GANC: variants seen among roughly 807,000 people sequenced by gnomAD.
GANC encodes the protein glucosidase alpha, neutral C.
A neutral mutation model predicts 124.2 loss-of-function variants in GANC; 117 were observed. That is an observed-to-expected ratio of 0.94 (90% CI 0.81 to 1.10). The LOEUF is 1.10. GANC is among the 50% of genes least tolerant of loss of function. The pLI, the probability that GANC is intolerant of heterozygous loss-of-function variation, is 0.00. For missense variants in GANC, 1,140 were observed against 1,095.0 expected (o/e 1.04, Z -0.58); for synonymous variants, 377 against 376.8 (o/e 1.00, Z -0.01).
In GANC at chr15:42,297,653, T is replaced by G. The variant is rs1164660189; in HGVS notation, c.555T>G (p.Ser185=). 6.2e-7 allele frequency: 1 copy of G among 1,604,210 alleles called. No homozygotes were observed. Among genetic ancestry groups the G allele is most frequent in the Non-Finnish European group, 8.5e-7 (1 of 1,172,208 alleles). The change falls in exon 6 of 24, where the codon TCT becomes TCG. Residue 185 remains serine (S), a synonymous_variant. Coordinates refer to ENST00000318010, the MANE Select transcript of GANC (RefSeq NM_198141.3). The part of the protein sequence containing the change: ...ENEEETSVDT[S]QENQEDLGLW... ...AGGAGGAGACATCAGTGGACACCTCTCAGGTAATCTAGATTGATCCATTTA... is the reference window on the plus strand; with the variant it reads ...AGGAGGAGACATCAGTGGACACCTCGCAGGTAATCTAGATTGATCCATTTA...
intron 5 of GANC, among the ~76,000 whole-genome samples, chr15:42,296,642 A>G (rs993394248): frequency 1.3e-5 from 2 of 152,016 alleles, no homozygotes; most frequent in Non-Finnish European, 1.5e-5. Flanking sequence ...ATCTACCCGC[A>G]TTGGCCTCCC....
In GANC at chr15:42,278,602, G is replaced by GTA. The variant is rs1222457946; in HGVS notation, c.201+14_201+15dup. ...ATGAAGCAAGTAAGGTGAGATGGAA[G>GTA]TATTTTCTACAGAGAATAATTTGTT... On this transcript the variant is annotated intron_variant, in intron 3 of 23. Coordinates refer to ENST00000318010, the MANE Select transcript of GANC (RefSeq NM_198141.3). 1 of 1,557,996 alleles carries GTA rather than the reference G, an allele frequency of 6.4e-7. No individual in the cohort carries two copies. The highest frequency in any genetic ancestry group is 1.1e-5 in the South Asian group (1 of 89,130).
In GANC at chr15:42,278,722, A is replaced by G. The variant is rs151283225; in HGVS notation, c.201+132A>G. The stretch of plus-strand genomic sequence containing the variant: ...AAGGAATATCAGCCTTTTAGTGATT[A>G]GTGGCTCACGCCTGTAATCCCAGCA... On this transcript the variant is annotated intron_variant, in intron 3 of 23. Transcript: ENST00000318010. 5 of 617,202 alleles carry G rather than the reference A, an allele frequency of 8.1e-6. No homozygotes were observed. The East Asian group carries it at 1.7e-4, about 21-fold the overall frequency. The allele number at this position is 617,202 out of a possible 1,614,324, so 38.2% of individuals were successfully genotyped here. A position where few individuals can be genotyped will look rare whatever the true frequency, so the allele number is the denominator to read the frequency against.
Position 42,274,107 on chromosome 15 carries a change from C to G in GANC, c.-375C>G. ...AGATAGATCTGCAGATGCTTCGTCC[C>G]AGTCAGGGAGGCCGTCTCGGCATTT... On this transcript the variant is annotated 5_prime_UTR_variant, in exon 1 of 24. Coordinates refer to ENST00000318010, the MANE Select transcript of GANC (RefSeq NM_198141.3). 4.0e-6 allele frequency: 1 copy of G among 253,122 alleles called. No homozygotes were observed. Among genetic ancestry groups the G allele is most frequent in the Non-Finnish European group, 7.6e-6 (1 of 130,756 alleles). The allele number at this position is 253,122 out of a possible 1,614,324, so 15.7% of individuals were successfully genotyped here.
chr15:42,285,367 A>T (rs1367143567), intron 3 of GANC, among the ~76,000 whole-genome samples: 1 of 152,184 alleles, frequency 6.6e-6, no homozygotes, highest in African/African-American at 2.4e-5. Context: ...GGCTTTACTT[A>T]TTGGACTTCT....
At position 42,329,428 on chromosome 15, in the gene GANC, C is replaced by T; in HGVS notation, c.1623C>T (p.His541=). The change falls in exon 14 of 24, where the codon CAC becomes CAT. Residue 541 remains histidine (H), a synonymous_variant. Transcript: ENST00000318010. ...GCAATTGGGAGCACAGAGAGCTCCA[C>T]AACATCTACGGTTTTTATCATGTAA... ...HHGNWEHREL[H]NIYGFYHQMA... is the part of the protein sequence containing the mutation. 6.2e-7 allele frequency: 1 copy of T among 1,612,256 alleles called. No individual in the cohort carries two copies. The highest frequency in any genetic ancestry group is 8.5e-7 in the Non-Finnish European group (1 of 1,179,432).
chr15:42,309,547 T>C (rs1007443335), intron 8 of GANC, among the ~76,000 whole-genome samples: 1 of 151,964 alleles, frequency 6.6e-6, no homozygotes, highest in African/African-American at 2.4e-5. Flanking sequence ...CTCGATCTCT[T>C]GACCTCATGA....
At chr15:42,299,989 A>G (rs1286371209) in intron 6 of GANC, among the ~76,000 whole-genome samples, 1 of 152,220 alleles carries the variant, frequency 6.6e-6, no homozygotes, top group Non-Finnish European at 1.5e-5. Flanking sequence ...ACTTAAATGT[A>G]AAACCCAAAA....
Position 42,343,115 on chromosome 15 carries a change from A to G in GANC, c.2190A>G (p.Lys730=), listed in dbSNP as rs1267176387. The G allele has an allele frequency of 1.9e-6, 3 of 1,614,154 alleles. No homozygotes were observed. Among genetic ancestry groups the G allele is most frequent in the Non-Finnish European group, 2.5e-6 (3 of 1,179,990 alleles). The change falls in exon 19 of 24, where the codon AAA becomes AAG. Residue 730 remains lysine (K), a synonymous_variant. Coordinates refer to ENST00000318010, the MANE Select transcript of GANC (RefSeq NM_198141.3). ...ALLVHPVTEP[K]ATTVDVFLPG... ...TGGTTCATCCAGTCACAGAACCAAA[A>G]GCCACCACAGTTGATGTGTTTCTTC...
intron 1 of GANC, 180 bp from the exon 2 acceptor site, chr15:42,276,168 G>A: frequency 4.3e-6 from 2 of 465,710 alleles, no homozygotes; most frequent in Non-Finnish European, 7.9e-6. Context: ...GTTTACAAAA[G>A]GCTATTGTTC....
intron 18 of GANC, among the ~76,000 whole-genome samples, 194 bp from the exon 19 acceptor site, chr15:42,342,884 C>T (rs1050303234): frequency 2.0e-5 from 3 of 151,584 alleles, no homozygotes; most frequent in African/African-American, 7.3e-5. Flanking sequence ...TTTGAGCTCA[C>T]CTCTTTGAGC....
chr15:42,297,646 A>G lies in GANC; in HGVS notation c.548A>G (p.Asp183Gly). The G allele has an allele frequency of 6.2e-7, 1 of 1,609,912 alleles. No homozygotes were observed. Among genetic ancestry groups the G allele is most frequent in the Non-Finnish European group, 8.5e-7 (1 of 1,176,830 alleles). The change falls in exon 6 of 24, where the codon GAC becomes GGC. Residue 183 changes from aspartate to glycine, a missense_variant. Physicochemically the swap from Asp to Gly is moderately conservative, Grantham distance 94 (BLOSUM62 -1). Coordinates refer to ENST00000318010, the MANE Select transcript of GANC (RefSeq NM_198141.3). ...GAAAATGAGGAGGAGACATCAGTGG[A>G]CACCTCTCAGGTAATCTAGATTGAT... Reference protein sequence around the residue: ...AKENEEETSVDTSQENQEDLG... With the variant: ...AKENEEETSVGTSQENQEDLG...
intron 11 of GANC, among the ~76,000 whole-genome samples, chr15:42,324,854 G>A (rs1306300519): frequency 6.6e-6 from 1 of 152,148 alleles, no homozygotes; most frequent in East Asian, 1.9e-4. Context: ...TGCAACATGA[G>A]AGAGTTCTGG....
intron 10 of GANC, chr15:42,314,245 C>A: frequency 1.4e-6 from 1 of 700,886 alleles, no homozygotes; most frequent in Non-Finnish European, 2.6e-6. Context: ...ACGTAGCTAC[C>A]CAGCATGGAA....
In GANC at chr15:42,339,901, A is replaced by G. The variant is rs113547837; in HGVS notation, c.2076A>G (p.Gln692=). The part of the protein sequence containing the change: ...SLFYHAHVAS[Q]PVMRPLWVEF... Reference sequence around the variant, plus strand: ...TCTACCATGCACACGTGGCTTCCCAACCTGTCATGAGGTAAAAAAGCTTCA... The same window carrying G: ...TCTACCATGCACACGTGGCTTCCCAGCCTGTCATGAGGTAAAAAAGCTTCA... The change falls in exon 17 of 24, where the codon CAA becomes CAG. Residue 692 remains glutamine, a synonymous_variant. Coordinates refer to ENST00000318010, the MANE Select transcript of GANC (RefSeq NM_198141.3). The G allele has an allele frequency of 2.5e-6, 4 of 1,613,678 alleles. No homozygotes were observed. In the Admixed American group the frequency reaches 6.7e-5, roughly 27 times the overall value.
At chr15:42,339,190 A>G (rs754010612) in intron 16 of GANC, among the ~76,000 whole-genome samples, 16 of 152,054 alleles carry the variant, frequency 1.1e-4, no homozygotes, top group Non-Finnish European at 1.6e-4. Flanking sequence ...ATGGAATTCT[A>G]TTCTGATAAT....
chr15:42,321,101 A>G (rs911235886), intron 10 of GANC, among the ~76,000 whole-genome samples: 2 of 152,186 alleles, frequency 1.3e-5, no homozygotes, highest in African/African-American at 4.8e-5. Flanking sequence ...ACATTTTGAT[A>G]ATAATTTACT....
intron 7 of GANC, among the ~76,000 whole-genome samples, chr15:42,307,672 T>A (rs1264049626): frequency 6.6e-6 from 1 of 152,204 alleles, no homozygotes; most frequent in Non-Finnish European, 1.5e-5. Flanking sequence ...GACTTCGTCT[T>A]TGGTTAAAGG....
At chr15:42,274,635 C>T (rs2051638366) in intron 1 of GANC, 125 bp downstream of exon 1, 5 of 974,048 alleles carry the variant, frequency 5.1e-6, no homozygotes, top group Non-Finnish European at 5.9e-6. Flanking sequence ...TCTCAATTCG[C>T]GGGAAGTTAG....
Sources: gnomAD v4.1 joint callset for allele counts (sites outside exome capture counted in the v4.1 genomes callset) on GRCh38, gnomAD v4.1.1 for gene constraint, MANE v1.5 for transcripts, NCBI Gene and HGNC (gene_info 2026-07-23, HGNC 2026-07-21) for gene names.